DCLK1: variants seen among roughly 807,000 people sequenced by gnomAD.
The protein encoded by DCLK1 is doublecortin like kinase 1.
A neutral mutation model predicts 86.2 loss-of-function variants in DCLK1; 16 were observed. The ratio of observed to expected loss-of-function variants is 0.19; its 90% CI spans 0.13 to 0.28. DCLK1 has a LOEUF of 0.28. Ranked by LOEUF, DCLK1 falls within the 10% of genes least tolerant of loss-of-function variation. The probability of loss-of-function intolerance (pLI) is 1.00; values close to 1 mark genes in which losing one functional copy is unlikely to be tolerated. For missense variants in DCLK1, 590 were observed against 940.2 expected, an observed-to-expected ratio of 0.63 and a Z score of 4.87; for synonymous variants, 369 against 370.5, an observed-to-expected ratio of 1.00 and a Z score of 0.05.
chr13:35,846,146 GT>G (rs1455865974), intron 6 of DCLK1: 1 of 984,920 alleles, frequency 1.0e-6, no homozygotes, highest in Non-Finnish European at 1.2e-6. Context: ...TGTGTCAAAT[GT>G]TTTAACACAA....
intron 3 of DCLK1, among the ~76,000 whole-genome samples, chr13:36,084,701 G>A (rs927707820): frequency 5.3e-5 from 8 of 152,112 alleles, no homozygotes; most frequent in African/African-American, 1.9e-4. Flanking sequence ...CTACCAACAA[G>A]GGATCCGTAT....
intron 3 of DCLK1, among the ~76,000 whole-genome samples, chr13:35,987,211 C>T (rs1879961675): frequency 6.6e-6 from 1 of 152,032 alleles, no homozygotes; most frequent in South Asian, 2.1e-4. Flanking sequence ...CACTTGAGCT[C>T]AGGAGTTGAA....
intron 3 of DCLK1, among the ~76,000 whole-genome samples, chr13:35,996,194 G>A (rs146023361): frequency 6.6e-6 from 1 of 152,154 alleles, no homozygotes; most frequent in Admixed American, 6.5e-5. Context: ...CTCCCAAAAT[G>A]CTAAGATTCT....
At chr13:36,053,437 T>C (rs868841402) in intron 3 of DCLK1, among the ~76,000 whole-genome samples, 2 of 152,040 alleles carry the variant, frequency 1.3e-5, no homozygotes, top group African/African-American at 4.8e-5. Context: ...GAAAGGAAAA[T>C]GCAAAATTAA....
intron 7 of DCLK1, among the ~76,000 whole-genome samples, chr13:35,838,748 T>C (rs897669179): frequency 6.6e-6 from 1 of 152,220 alleles, no homozygotes; most frequent in African/African-American, 2.4e-5. Context: ...TTTGTTCACT[T>C]AAAGTAACAC....
At position 36,125,796 on chromosome 13, in the gene DCLK1, G is replaced by A; in HGVS notation, c.342C>T (p.Leu114=). ...GVRTIYTIDG[L]KKISSLDQLV... Reference sequence around the variant, plus strand: ...GTTGGTCCAGGCTGGAAATCTTCTTGAGCCCATCAATGGTGTAGATTGTTC... The same window carrying A: ...GTTGGTCCAGGCTGGAAATCTTCTTAAGCCCATCAATGGTGTAGATTGTTC... Residue 114 remains leucine, a synonymous_variant, in exon 2 of 17, where the codon CTC becomes CTT. Transcript: ENST00000360631. The A allele has an allele frequency of 6.2e-7, 1 of 1,614,108 alleles. No homozygotes were observed. The highest frequency in any genetic ancestry group is 8.5e-7 in the Non-Finnish European group (1 of 1,179,984).
chr13:35,901,990 T>C (rs1566594090), intron 4 of DCLK1, among the ~76,000 whole-genome samples: 1 of 152,136 alleles, frequency 6.6e-6, no homozygotes, highest in Non-Finnish European at 1.5e-5. Context: ...TTGAACATAA[T>C]AGAACGGTTT....
At chr13:35,934,164 C>G (rs1014036267) in intron 4 of DCLK1, among the ~76,000 whole-genome samples, 3 of 152,168 alleles carry the variant, frequency 2.0e-5, no homozygotes, top group African/African-American at 7.2e-5. Context: ...ACATCTGAGA[C>G]CACCTCAGCC....
intron 11 of DCLK1, among the ~76,000 whole-genome samples, chr13:35,819,028 T>C (rs1239051127): frequency 6.6e-6 from 1 of 152,122 alleles, no homozygotes; most frequent in Admixed American, 6.6e-5. Context: ...CAGGCGGCTC[T>C]GTCCTCTGTT....
intron 5 of DCLK1, among the ~76,000 whole-genome samples, chr13:35,857,524 A>G (rs1022564165): frequency 2.0e-5 from 3 of 152,216 alleles, no homozygotes; most frequent in African/African-American, 7.2e-5. Context: ...CTCTCAGGGT[A>G]TACTGTCTAT....
intron 16 of DCLK1, among the ~76,000 whole-genome samples, chr13:35,780,515 A>C (rs966043542): frequency 6.6e-6 from 1 of 152,218 alleles, no homozygotes; most frequent in Non-Finnish European, 1.5e-5. Context: ...GTAACCAAGG[A>C]TGCAGCTCTA....
intron 3 of DCLK1, among the ~76,000 whole-genome samples, chr13:35,959,323 GCAGGTAACATACA>G (rs1266541121): frequency 6.6e-6 from 1 of 152,120 alleles, no homozygotes; most frequent in Non-Finnish European, 1.5e-5. Context: ...CAGAGACCTG[GCAGGTAACATACA>G]CAGTGAAGTG....
intron 3 of DCLK1, among the ~76,000 whole-genome samples, chr13:35,974,926 G>A (rs1405850995): frequency 1.3e-5 from 2 of 152,196 alleles, no homozygotes; most frequent in African/African-American, 4.8e-5. Context: ...GGAGGCCCTA[G>A]AAAATGAACA....
intron 3 of DCLK1, among the ~76,000 whole-genome samples, chr13:36,037,355 A>G (rs1402146394): frequency 6.6e-6 from 1 of 152,188 alleles, no homozygotes; most frequent in Non-Finnish European, 1.5e-5. Context: ...TATAGTTAAC[A>G]ATAACATATT....
At chr13:36,074,440 C>T (rs1028799869) in intron 3 of DCLK1, among the ~76,000 whole-genome samples, 11 of 99,010 alleles carry the variant, frequency 1.1e-4, no homozygotes, top group Non-Finnish European at 1.6e-4. Flanking sequence ...CAGTGAGCTC[C>T]AGCCTGGGCG....
At chr13:35,837,534 A>G (rs564139486) in intron 7 of DCLK1, among the ~76,000 whole-genome samples, 1 of 152,250 alleles carries the variant, frequency 6.6e-6, no homozygotes, top group African/African-American at 2.4e-5. Context: ...AAAGCACCCA[A>G]ATTTACAAAA....
At chr13:35,986,745 C>A (rs1879936394) in intron 3 of DCLK1, among the ~76,000 whole-genome samples, 1 of 152,098 alleles carries the variant, frequency 6.6e-6, no homozygotes, top group African/African-American at 2.4e-5. Flanking sequence ...ACTGATGGGA[C>A]CCTCATGGTC....
chr13:36,075,301 C>G (rs1316840170), intron 3 of DCLK1, among the ~76,000 whole-genome samples: 1 of 152,166 alleles, frequency 6.6e-6, no homozygotes, highest in Non-Finnish European at 1.5e-5. Flanking sequence ...GGCTCTTTTC[C>G]ATTAGTTCTG....
chr13:36,002,884 A>C (rs1880780955), intron 3 of DCLK1, among the ~76,000 whole-genome samples: 2 of 152,188 alleles, frequency 1.3e-5, no homozygotes, highest in Admixed American at 1.3e-4. Context: ...GCACCATTTC[A>C]ACTCTAAGGA....
Sources: allele counts gnomAD v4.1 joint callset (sites outside exome capture counted in the v4.1 genomes callset), GRCh38; gene constraint gnomAD v4.1.1; transcripts MANE v1.5; gene names NCBI Gene and HGNC (gene_info 2026-07-23, HGNC 2026-07-21).